The following BCAS3 variants were observed in gnomAD, a reference collection of about 807,000 sequenced individuals.
The protein encoded by BCAS3 is BCAS4/BCAS3 fusion.
In BCAS3, 53 loss-of-function variants were observed where a neutral mutation model predicts 116.1. The observed-to-expected ratio is 0.46, with a 90% confidence interval of 0.37 to 0.57. The LOEUF (loss-of-function observed/expected upper bound fraction) is 0.57. BCAS3 is among the 20% of genes least tolerant of loss of function. The pLI is 0.00. For synonymous variants in BCAS3, 391 were observed against 408.2 expected, an observed-to-expected ratio of 0.96 and a Z score of 0.51; for missense variants, 917 against 1,165.4, an observed-to-expected ratio of 0.79 and a Z score of 3.10.
rs761694711 is a variant in BCAS3, at chr17:61,364,087, G to A, written c.2426-4240G>A. ...AGCGGGTATGGCAGAGCCTCTGATG[G>A]GACTCCTAGCAGGATAAGCAGGACC... On this transcript the variant is annotated intron_variant, in intron 22 of 23. Transcript: ENST00000407086. This position sits in a 1 kb window ranked among gnomAD's most constrained non-coding sequence, Gnocchi z 5.4. 6.6e-6 allele frequency among the ~76,000 whole-genome samples: 1 copy of A among 152,140 alleles called. No individual in the cohort carries two copies. Among genetic ancestry groups the A allele is most frequent in the Non-Finnish European group, 1.5e-5 (1 of 68,024 alleles).
At chr17:61,245,279 T>C (rs1243390702) in intron 22 of BCAS3, 2 of 152,138 alleles carry the variant, frequency 1.3e-5, no homozygotes, top group Non-Finnish European at 2.9e-5. Context: ...CATGATTCAA[T>C]TATCTCCACC....
chr17:61,163,714 C>T (rs866961665), intron 22 of BCAS3, among the ~76,000 whole-genome samples: 20 of 151,670 alleles, frequency 1.3e-4, no homozygotes, highest in South Asian at 1.2e-3. Context: ...TAGCCAGGCA[C>T]GGTGGCTCAC....
At chr17:60,698,876 T>C (rs1026587567) in intron 4 of BCAS3, among the ~76,000 whole-genome samples, 3 of 152,042 alleles carry the variant, frequency 2.0e-5, no homozygotes, top group Non-Finnish European at 4.4e-5. Flanking sequence ...GCCAACATGG[T>C]GAAACCCCAT....
intron 6 of BCAS3, among the ~76,000 whole-genome samples, chr17:60,784,297 A>AT (rs777660468): frequency 0.028 from 3,205 of 114,770 alleles, 57 homozygotes; most frequent in African/African-American, 0.047. Context: ...AATGAAACAA[A>AT]TTTTTTTTTT....
chr17:60,682,286 AAAG>A (rs1443480730), intron 2 of BCAS3, among the ~76,000 whole-genome samples: 2 of 152,304 alleles, frequency 1.3e-5, no homozygotes, highest in East Asian at 1.9e-4. Flanking sequence ...GTCTTGATTC[AAAG>A]AAGAACTTGG....
At chr17:60,830,705 T>C (rs2050839468) in intron 7 of BCAS3, among the ~76,000 whole-genome samples, 1 of 152,144 alleles carries the variant, frequency 6.6e-6, no homozygotes, top group Admixed American at 6.5e-5. Flanking sequence ...TAAAGCTGGC[T>C]GAAAAACTTG....
intron 9 of BCAS3, chr17:60,886,447 T>C (rs1262636583): frequency 6.6e-6 from 1 of 152,224 alleles, no homozygotes; most frequent in Non-Finnish European, 1.5e-5. Flanking sequence ...TCTCAGCTTG[T>C]CAAAGTCATT....
Position 61,084,683 on chromosome 17 carries a change from G to A in BCAS3, c.2425+119G>A. On this transcript the variant is annotated intron_variant, in intron 22 of 23. Transcript: ENST00000407086. The surrounding 1 kb of genome is among the most constrained non-coding windows in gnomAD (Gnocchi z 5.5). The stretch of plus-strand genomic sequence containing the variant: ...CCTCTCTGTTTTTTTGTTTTGTGGT[G>A]TGTGTGCATTTTAATACAGTACTGT... 1.2e-6 allele frequency: 1 copy of A among 849,018 alleles called. No individual in the cohort carries two copies. The highest frequency in any genetic ancestry group is 1.9e-6 in the Non-Finnish European group (1 of 522,602). The allele number at this position is 849,018 out of a possible 1,614,324, so 52.6% of individuals were successfully genotyped here.
rs1479703162 is a variant in BCAS3, at chr17:61,224,385, T to A, written c.2425+139821T>A. ...GAGAGATTTCATGGAAGAGGTATCA[T>A]TCAAGCTGAGTTTTGTTATATGGAA... On this transcript the variant is annotated intron_variant, in intron 22 of 23. Coordinates refer to ENST00000407086, the MANE Select transcript of BCAS3 (RefSeq NM_017679.5). This position sits in a 1 kb window ranked among gnomAD's most constrained non-coding sequence, Gnocchi z 5.7. Among the ~76,000 whole-genome samples, 1 of 152,198 alleles carries A rather than the reference T, an allele frequency of 6.6e-6. No individual in the cohort carries two copies. The highest frequency in any genetic ancestry group is 1.5e-5 in the Non-Finnish European group (1 of 68,038).
chr17:60,856,081 G>A (rs2053647534), intron 7 of BCAS3, among the ~76,000 whole-genome samples: 1 of 152,168 alleles, frequency 6.6e-6, no homozygotes, highest in South Asian at 2.1e-4. Flanking sequence ...CATCAAGAAG[G>A]CCATGTCCGA....
chr17:60,818,148 C>CCCAG (rs1472612138), intron 7 of BCAS3, among the ~76,000 whole-genome samples: 1 of 152,168 alleles, frequency 6.6e-6, no homozygotes, highest in African/African-American at 2.4e-5. Context: ...AGCCATTGCA[C>CCCAG]CCAGCTGAGA....
At chr17:61,274,034 G>A (rs1195220267) in intron 22 of BCAS3, among the ~76,000 whole-genome samples, 1 of 150,544 alleles carries the variant, frequency 6.6e-6, no homozygotes, top group Non-Finnish European at 1.5e-5. Context: ...ATGTATACAT[G>A]TGCCATGTTG....
chr17:61,115,086 A>G (rs2075341980), intron 22 of BCAS3, among the ~76,000 whole-genome samples: 1 of 150,180 alleles, frequency 6.7e-6, no homozygotes, highest in Non-Finnish European at 1.5e-5. Context: ...TACAAAAATC[A>G]ATTCAAGATG....
At chr17:60,981,165 A>G (rs1025027315) in intron 14 of BCAS3, among the ~76,000 whole-genome samples, 12 of 152,080 alleles carry the variant, frequency 7.9e-5, no homozygotes, top group Non-Finnish European at 1.2e-4. Flanking sequence ...CAAAGTTTTT[A>G]ATGTTGAAGA....
At chr17:60,906,593 A>C (rs373866460) in intron 11 of BCAS3, among the ~76,000 whole-genome samples, 107 of 152,094 alleles carry the variant, frequency 7.0e-4, no homozygotes, top group African/African-American at 2.0e-3. Context: ...TCTAGGCCTA[A>C]ATGCCTAGCT....
chr17:61,100,860 C>T (rs941020991), intron 22 of BCAS3, among the ~76,000 whole-genome samples: 1 of 143,284 alleles, frequency 7.0e-6, no homozygotes, highest in African/African-American at 3.0e-5. Flanking sequence ...TAACAACATA[C>T]TTTTTAGATT....
At position 61,367,566 on chromosome 17, in the gene BCAS3, A is replaced by G. The variant is rs2058809250; in HGVS notation, c.2426-761A>G. 6.6e-6 allele frequency: 1 copy of G among 152,186 alleles called. No individual in the cohort carries two copies. Among genetic ancestry groups the G allele is most frequent in the Admixed American group, 6.5e-5 (1 of 15,284 alleles). The allele number at this position is 152,186 out of a possible 1,614,324, so 9.4% of individuals were successfully genotyped here. On this transcript the variant is annotated intron_variant, in intron 22 of 23. Coordinates refer to ENST00000407086, the MANE Select transcript of BCAS3 (RefSeq NM_017679.5). This position sits in a 1 kb window ranked among gnomAD's most constrained non-coding sequence, Gnocchi z 6.2. ...CCCCAAAGTAATTCCCTGGTTGTTCATATGCCCTTGGGTAGCTGGGAGACC... is the reference window on the plus strand; with the variant it reads ...CCCCAAAGTAATTCCCTGGTTGTTCGTATGCCCTTGGGTAGCTGGGAGACC...
intron 5 of BCAS3, among the ~76,000 whole-genome samples, chr17:60,710,324 A>T (rs1057284333): frequency 1.3e-5 from 2 of 152,006 alleles, no homozygotes; most frequent in African/African-American, 4.8e-5. Flanking sequence ...GCAAACATGT[A>T]TTACCTCAGA....
At chr17:61,050,958 A>G (rs893062240) in intron 19 of BCAS3, among the ~76,000 whole-genome samples, 18 of 152,238 alleles carry the variant, frequency 1.2e-4, no homozygotes, top group Admixed American at 1.2e-3. Context: ...TAAGTAAGAA[A>G]TGAATTACAG....
Sources: allele counts gnomAD v4.1 joint callset (sites outside exome capture counted in the v4.1 genomes callset), GRCh38; gene constraint gnomAD v4.1.1; non-coding constraint Gnocchi (gnomAD v3.1); transcripts MANE v1.5; gene names NCBI Gene and HGNC (gene_info 2026-07-23, HGNC 2026-07-21).